Variants in KCNQ1OT1 observed in about 807,000 individuals in gnomAD.
KCNQ1OT1 encodes the protein KCNQ1 opposite strand/antisense transcript 1.
exon 1 of KCNQ1OT1, chr11:2,684,026 TA>T: frequency 2.5e-6 from 1 of 398,494 alleles, no homozygotes; most frequent in Non-Finnish European, 4.4e-6. Flanking sequence ...CAACATCAGC[TA>T]ACTTCATCCT....
In KCNQ1OT1 at chr11:2,661,438, A is replaced by G. The variant is rs2133855161; in HGVS notation, n.38557T>C. Reference sequence around the variant, plus strand: ...CATTGGGGGTACAACTGGTTGATGTAGCATCGTGTTTTGAGGAAGGAGTTC... The same window carrying G: ...CATTGGGGGTACAACTGGTTGATGTGGCATCGTGTTTTGAGGAAGGAGTTC... On this transcript the variant is annotated non_coding_transcript_exon_variant, in exon 1 of 1. Coordinates refer to ENST00000597346, the Ensembl canonical transcript of KCNQ1OT1. This position sits in a 1 kb window ranked among gnomAD's most constrained non-coding sequence, Gnocchi z 5.9. The G allele has an allele frequency of 2.3e-6, 1 of 436,616 alleles. No individual in the cohort carries two copies. The highest frequency in any genetic ancestry group is 4.0e-6 in the Non-Finnish European group (1 of 248,372). 27.0% of individuals were successfully genotyped at this position (436,616 alleles called of 1,614,324 possible). A position where few individuals can be genotyped will look rare whatever the true frequency, so the allele number is the denominator to read the frequency against.
At chr11:2,665,342 A>G (rs1438534118) in exon 1 of KCNQ1OT1, 2 of 398,284 alleles carry the variant, frequency 5.0e-6, no homozygotes, top group Non-Finnish European at 8.8e-6. Flanking sequence ...GTAGGCCTGC[A>G]TGGGCAGTTG....
chr11:2,655,102 C>A, exon 1 of KCNQ1OT1: 1 of 398,524 alleles, frequency 2.5e-6, no homozygotes, highest in South Asian at 1.3e-4. Flanking sequence ...AAATAAAATT[C>A]AAATCCCCCT....
chr11:2,643,429 G>GT (rs1849610359), exon 1 of KCNQ1OT1: 4 of 398,194 alleles, frequency 1.0e-5, no homozygotes, highest in Non-Finnish European at 1.8e-5. Context: ...TCTTTTTAGT[G>GT]TTTTTAGCTT....
At position 2,642,066 on chromosome 11, in the gene KCNQ1OT1, C is replaced by A; in HGVS notation, n.57929G>T. ...AAATCAGGCAGTGTGATGCATCCAA[C>A]TTTGTTATTTTTGCTCAGAATTGCT... On this transcript the variant is annotated non_coding_transcript_exon_variant, in exon 1 of 1. Coordinates refer to ENST00000597346, the Ensembl canonical transcript of KCNQ1OT1. The surrounding 1 kb of genome is among the most constrained non-coding windows in gnomAD (Gnocchi z 4.3). 1 of 398,312 alleles carries A rather than the reference C, an allele frequency of 2.5e-6. No individual in the cohort carries two copies. The highest frequency in any genetic ancestry group is 4.4e-6 in the Non-Finnish European group (1 of 225,914). 24.7% of individuals were successfully genotyped at this position (398,312 alleles called of 1,614,324 possible). A position where few individuals can be genotyped will look rare whatever the true frequency, so the allele number is the denominator to read the frequency against.
chr11:2,633,152 T>G, exon 1 of KCNQ1OT1: 1 of 398,558 alleles, frequency 2.5e-6, no homozygotes, highest in Non-Finnish European at 4.4e-6. Context: ...TGACTTGCAT[T>G]TCTGTGATGA....
rs2133834953 is a variant in KCNQ1OT1 at position 2,645,045 on chromosome 11, A to G, written n.54950T>C. On this transcript the variant is annotated non_coding_transcript_exon_variant, in exon 1 of 1. Coordinates refer to ENST00000597346, the Ensembl canonical transcript of KCNQ1OT1. The surrounding 1 kb of genome is among the most constrained non-coding windows in gnomAD (Gnocchi z 5.8). ...TTTTGGGCCTCCAGGCAACTTGCTCAGGTGCCAATGATGACAGAGCTGGGC... is the reference window on the plus strand; with the variant it reads ...TTTTGGGCCTCCAGGCAACTTGCTCGGGTGCCAATGATGACAGAGCTGGGC... 1 of 398,820 alleles carries G rather than the reference A, an allele frequency of 2.5e-6. No homozygotes were observed. The highest frequency in any genetic ancestry group is 1.3e-4 in the South Asian group (1 of 7,856). The allele number at this position is 398,820 out of a possible 1,614,324, so 24.7% of individuals were successfully genotyped here. A position where few individuals can be genotyped will look rare whatever the true frequency, so the allele number is the denominator to read the frequency against.
rs1043288467 is a variant in KCNQ1OT1, at chr11:2,671,999, C to G, written n.27996G>C. The G allele has an allele frequency of 2.5e-6, 1 of 398,466 alleles. No individual in the cohort carries two copies. Among genetic ancestry groups the G allele is most frequent in the African/African-American group, 2.1e-5 (1 of 48,576 alleles). 24.7% of individuals were successfully genotyped at this position (398,466 alleles called of 1,614,324 possible). ...GCTAGCACCCCTGACTTCAAGTCCT[C>G]GAGTGTATGTTGGGCTTGTCTCCCT... On this transcript the variant is annotated non_coding_transcript_exon_variant, in exon 1 of 1. Coordinates refer to ENST00000597346, the Ensembl canonical transcript of KCNQ1OT1. The surrounding 1 kb of genome is among the most constrained non-coding windows in gnomAD (Gnocchi z 4.7).
chr11:2,615,901 C>A (rs1443986750), exon 1 of KCNQ1OT1: 9 of 397,972 alleles, frequency 2.3e-5, no homozygotes, highest in Non-Finnish European at 3.5e-5. Flanking sequence ...AAAGTTTTTT[C>A]TCCTCTGTTT....
Position 2,698,740 on chromosome 11 carries a change from A to G in KCNQ1OT1, n.1255T>C. On this transcript the variant is annotated non_coding_transcript_exon_variant, in exon 1 of 1. Transcript: ENST00000597346. The surrounding 1 kb of genome is among the most constrained non-coding windows in gnomAD (Gnocchi z 5.1). ...AGTCGCCAACTCGGACCTCCCTTGG[A>G]TCTCAACTCAGAGCCATGATGCAGA... The G allele has an allele frequency of 2.5e-6, 1 of 398,710 alleles. No individual in the cohort carries two copies. Among genetic ancestry groups the G allele is most frequent in the Non-Finnish European group, 4.4e-6 (1 of 226,152 alleles). 24.7% of individuals were successfully genotyped at this position (398,710 alleles called of 1,614,324 possible).
At chr11:2,656,377 T>C in exon 1 of KCNQ1OT1, 1 of 398,626 alleles carries the variant, frequency 2.5e-6, no homozygotes, top group Non-Finnish European at 4.4e-6. Flanking sequence ...CCTTCCCTGG[T>C]CTCTCTAAGG....
rs137966006 is a variant in KCNQ1OT1, at chr11:2,648,881, A to C, written n.51114T>G. On this transcript the variant is annotated non_coding_transcript_exon_variant, in exon 1 of 1. Coordinates refer to ENST00000597346, the Ensembl canonical transcript of KCNQ1OT1. The stretch of plus-strand genomic sequence containing the variant: ...TAATATTTGTTTAATATACCTGGGT[A>C]CTCCAGTGTTGTTGGTTGCATATAT... 6 of 397,214 alleles carry C rather than the reference A, an allele frequency of 1.5e-5. No individual in the cohort carries two copies. In the South Asian group the frequency reaches 7.7e-4, roughly 51 times the overall value. 24.6% of individuals were successfully genotyped at this position (397,214 alleles called of 1,614,324 possible).
At chr11:2,618,330 A>C in exon 1 of KCNQ1OT1, 1 of 398,598 alleles carries the variant, frequency 2.5e-6, no homozygotes, top group Admixed American at 4.4e-5. Flanking sequence ...AAAAAATTCA[A>C]TGTTTTAACA....
rs1849787981 is a variant in KCNQ1OT1, at chr11:2,653,415, A to G, written n.46580T>C. On this transcript the variant is annotated non_coding_transcript_exon_variant, in exon 1 of 1. Transcript: ENST00000597346. This position sits in a 1 kb window ranked among gnomAD's most constrained non-coding sequence, Gnocchi z 5.3. ...CTTGGTAACAAATGATGGAACCCCA[A>G]CTCAAACAAGCTTAAGCACAAAAGG... The G allele has an allele frequency of 5.0e-6, 2 of 398,646 alleles. No homozygotes were observed. Among genetic ancestry groups the G allele is most frequent in the Middle Eastern group, 6.3e-4 (1 of 1,588 alleles). The allele number at this position is 398,646 out of a possible 1,614,324, so 24.7% of individuals were successfully genotyped here.
chr11:2,672,036 G>A, exon 1 of KCNQ1OT1: 1 of 398,690 alleles, frequency 2.5e-6, no homozygotes, highest in Non-Finnish European at 4.4e-6. Flanking sequence ...CCCTGGCCCG[G>A]TCTGCACTCA....
In KCNQ1OT1 at chr11:2,663,613, G is replaced by A. The variant is rs531471524; in HGVS notation, n.36382C>T. 18 of 398,626 alleles carry A rather than the reference G, an allele frequency of 4.5e-5. No homozygotes were observed. Among genetic ancestry groups the A allele is most frequent in the South Asian group, 2.6e-4 (2 of 7,802 alleles). 24.7% of individuals were successfully genotyped at this position (398,626 alleles called of 1,614,324 possible). A position where few individuals can be genotyped will look rare whatever the true frequency, so the allele number is the denominator to read the frequency against. On this transcript the variant is annotated non_coding_transcript_exon_variant, in exon 1 of 1. Coordinates refer to ENST00000597346, the Ensembl canonical transcript of KCNQ1OT1. The surrounding 1 kb of genome is among the most constrained non-coding windows in gnomAD (Gnocchi z 5.2). Reference sequence around the variant, plus strand: ...CGCTCACCTTGGTTCTCTTGGTCACGGACCAGCATCCAGACATGCAAAAAG... The same window carrying A: ...CGCTCACCTTGGTTCTCTTGGTCACAGACCAGCATCCAGACATGCAAAAAG...
rs1849902482 is a variant in KCNQ1OT1, at chr11:2,659,015, C to T, written n.40980G>A. 1 of 398,546 alleles carries T rather than the reference C, an allele frequency of 2.5e-6. No individual in the cohort carries two copies. The highest frequency in any genetic ancestry group is 4.4e-6 in the Non-Finnish European group (1 of 226,066). The allele number at this position is 398,546 out of a possible 1,614,324, so 24.7% of individuals were successfully genotyped here. On this transcript the variant is annotated non_coding_transcript_exon_variant, in exon 1 of 1. Transcript: ENST00000597346. The surrounding 1 kb of genome is among the most constrained non-coding windows in gnomAD (Gnocchi z 4.3). The stretch of plus-strand genomic sequence containing the variant: ...TTTTTGAAAGCAACATATGCCAGCT[C>T]CTCCTCCTCCTTTCCTTTCACTGCT...
At chr11:2,693,092 TCTTTAAGAGTCATTTGCCCCAAGACTA>T in exon 1 of KCNQ1OT1, 1 of 398,642 alleles carries the variant, frequency 2.5e-6, no homozygotes, top group Non-Finnish European at 4.4e-6. Flanking sequence ...GGCTCCTTAC[TCTTTAAGAGTCATTTGCCCCAAGACTA>T]CTTTCTGTCA....
At position 2,679,277 on chromosome 11, in the gene KCNQ1OT1, C is replaced by A. The variant is rs114495976; in HGVS notation, n.20718G>T. The A allele has an allele frequency of 2.5e-6, 1 of 398,480 alleles. No individual in the cohort carries two copies. The highest frequency in any genetic ancestry group is 4.4e-5 in the Admixed American group (1 of 22,710). The allele number at this position is 398,480 out of a possible 1,614,324, so 24.7% of individuals were successfully genotyped here. A position where few individuals can be genotyped will look rare whatever the true frequency, so the allele number is the denominator to read the frequency against. ...CTTGGCTGTGCTCTCCTTTACTAAT[C>A]CATAGCCAAAGACAGGGGCTAATAA... On this transcript the variant is annotated non_coding_transcript_exon_variant, in exon 1 of 1. Transcript: ENST00000597346. The surrounding 1 kb of genome is among the most constrained non-coding windows in gnomAD (Gnocchi z 4.8).
Sources: allele counts gnomAD v4.1 joint callset, GRCh38; gene constraint gnomAD v4.1.1; non-coding constraint Gnocchi (gnomAD v3.1); transcripts MANE v1.5; gene names NCBI Gene and HGNC (gene_info 2026-07-23, HGNC 2026-07-21).